The following DDHD1 variants were observed in gnomAD, a reference collection of about 807,000 sequenced individuals.
DDHD1 encodes the protein DDHD domain containing 1, also known as phospholipase DDHD1.
In DDHD1, 49 loss-of-function variants were observed where a neutral mutation model predicts 96.4. The observed-to-expected ratio is 0.51, with a 90% CI of 0.40 to 0.64. DDHD1 has a LOEUF of 0.64. Ranked by LOEUF, DDHD1 falls within the 30% of genes least tolerant of loss-of-function variation. DDHD1 has a pLI of 0.00. For synonymous variants in DDHD1, 442 were observed against 446.5 expected, an observed-to-expected ratio of 0.99 and a Z score of 0.13; for missense variants, 1,106 against 1,161.2, an observed-to-expected ratio of 0.95 and a Z score of 0.69.
At chr14:53,077,645 A>G (rs1024142024) in intron 4 of DDHD1, among the ~76,000 whole-genome samples, 8 of 149,566 alleles carry the variant, frequency 5.3e-5, no homozygotes, top group Non-Finnish European at 8.9e-5. Context: ...TGCTTTTGAC[A>G]CAACTTCATT....
chr14:53,108,774 TC>T (rs1466358974), intron 1 of DDHD1, among the ~76,000 whole-genome samples: 1 of 152,232 alleles, frequency 6.6e-6, no homozygotes, highest in Non-Finnish European at 1.5e-5. Flanking sequence ...TCTTCCTTTT[TC>T]ACTTCTTTTC....
chr14:53,071,512 G>C (rs1595120821), intron 6 of DDHD1, among the ~76,000 whole-genome samples: 1 of 151,990 alleles, frequency 6.6e-6, no homozygotes, highest in Non-Finnish European at 1.5e-5. Flanking sequence ...CTTATACGTA[G>C]TAAGTTCTCA....
rs1242058022 is a variant in DDHD1 at position 53,046,491 on chromosome 14, A to G, written c.*277T>C. The G allele has an allele frequency of 3.9e-5, 9 of 231,184 alleles. No homozygotes were observed. The highest frequency in any genetic ancestry group is 5.0e-5 in the Non-Finnish European group (6 of 119,728). 14.3% of individuals were successfully genotyped at this position (231,184 alleles called of 1,614,324 possible). A position where few individuals can be genotyped will look rare whatever the true frequency, so the allele number is the denominator to read the frequency against. On this transcript the variant is annotated 3_prime_UTR_variant, in exon 13 of 13. Coordinates refer to ENST00000673822, the MANE Select transcript of DDHD1 (RefSeq NM_001160148.2). ...TCAGATTGTGATTTGTAGCCTTTACATGCAGTTTACCCAAACCTTCTTCAC... is the reference window on the plus strand; with the variant it reads ...TCAGATTGTGATTTGTAGCCTTTACGTGCAGTTTACCCAAACCTTCTTCAC...
intron 1 of DDHD1, among the ~76,000 whole-genome samples, chr14:53,146,372 C>A (rs1249643736): frequency 6.6e-6 from 1 of 151,226 alleles, no homozygotes; most frequent in South Asian, 2.1e-4. Context: ...GGCATGGTGG[C>A]ACATGCCTGT....
intron 12 of DDHD1, 102 bp downstream of exon 12, chr14:53,051,742 G>A: frequency 2.3e-6 from 2 of 872,696 alleles, no homozygotes; most frequent in Admixed American, 2.4e-5. Context: ...CACTGAAGCT[G>A]GGATCTCATA....
rs367814989 is a variant in DDHD1, at chr14:53,058,466, T to C, written c.1992+11A>G. On this transcript the variant is annotated intron_variant, in intron 9 of 12. Coordinates refer to ENST00000673822, the MANE Select transcript of DDHD1 (RefSeq NM_001160148.2). Reference sequence around the variant, plus strand: ...ACATTGAGAAAAAAAAGAGTCTATATTGCAACTCACCACTGGATCTGTAGG... The same window carrying C: ...ACATTGAGAAAAAAAAGAGTCTATACTGCAACTCACCACTGGATCTGTAGG... 9.4e-6 allele frequency: 15 copies of C among 1,602,954 alleles called. No individual in the cohort carries two copies. The highest frequency in any genetic ancestry group is 3.5e-5 in the Admixed American group (2 of 57,054).
intron 10 of DDHD1, 83 bp downstream of exon 10, chr14:53,055,577 T>A (rs1170489364): frequency 2.3e-6 from 3 of 1,330,924 alleles, no homozygotes; most frequent in Non-Finnish European, 3.1e-6. Context: ...AGTTTCCTAA[T>A]ACATAGAATA....
intron 8 of DDHD1, among the ~76,000 whole-genome samples, chr14:53,060,385 A>G (rs915971314): frequency 6.6e-6 from 1 of 152,196 alleles, no homozygotes; most frequent in Non-Finnish European, 1.5e-5. Flanking sequence ...GCCTATATCA[A>G]TGTAAGTTCC....
At chr14:53,078,852 C>T (rs1885190293) in intron 4 of DDHD1, among the ~76,000 whole-genome samples, 1 of 152,124 alleles carries the variant, frequency 6.6e-6, no homozygotes, top group Non-Finnish European at 1.5e-5. Context: ...TTTGTAGATG[C>T]CCTTTACCAG....
At chr14:53,052,340 A>G (rs1882666485) in intron 11 of DDHD1, among the ~76,000 whole-genome samples, 1 of 152,092 alleles carries the variant, frequency 6.6e-6, no homozygotes, top group Non-Finnish European at 1.5e-5. Context: ...ACATAAAGAA[A>G]CAGACAGATC....
intron 1 of DDHD1, among the ~76,000 whole-genome samples, chr14:53,151,313 GTA>G (rs1891343579): frequency 6.6e-6 from 1 of 152,168 alleles, no homozygotes; most frequent in Non-Finnish European, 1.5e-5. Flanking sequence ...AATTAAAAGT[GTA>G]TATTACATAT....
chr14:53,079,012 TA>T (rs200274182), intron 4 of DDHD1, among the ~76,000 whole-genome samples: 30 of 149,882 alleles, frequency 2.0e-4, no homozygotes, highest in Admixed American at 1.0e-3. Context: ...TTACCTTGAT[TA>T]AAAAAAAAAT....
In DDHD1 at chr14:53,037,077, T is replaced by C. The variant is rs1312660148; in HGVS notation, c.*9691A>G. On this transcript the variant is annotated 3_prime_UTR_variant, in exon 13 of 13. Coordinates refer to ENST00000673822, the MANE Select transcript of DDHD1 (RefSeq NM_001160148.2). ...GCTTAGATTATGGCTTCCAGCTGTA[T>C]CCATGTGGCTGGCTGCAAAGGACAT... The C allele has an allele frequency of 1.3e-5, 2 of 152,126 alleles. No individual in the cohort carries two copies. Among genetic ancestry groups the C allele is most frequent in the Non-Finnish European group, 1.5e-5 (1 of 68,002 alleles). The allele number at this position is 152,126 out of a possible 1,614,324, so 9.4% of individuals were successfully genotyped here.
intron 6 of DDHD1, among the ~76,000 whole-genome samples, chr14:53,068,866 T>C (rs374602090): frequency 5.9e-4 from 90 of 152,328 alleles, no homozygotes; most frequent in African/African-American, 2.0e-3. Flanking sequence ...TATCCATCGA[T>C]GATTTGTGTC....
intron 1 of DDHD1, among the ~76,000 whole-genome samples, chr14:53,104,577 G>A (rs1201702951): frequency 1.3e-5 from 2 of 151,884 alleles, no homozygotes; most frequent in Non-Finnish European, 2.9e-5. Context: ...TACATATACA[G>A]GATAAATGAA....
chr14:53,143,453 G>T (rs1483204173), intron 1 of DDHD1, among the ~76,000 whole-genome samples: 1 of 152,210 alleles, frequency 6.6e-6, no homozygotes, highest in East Asian at 1.9e-4. Flanking sequence ...ACACTTGCCA[G>T]CAGTTCTGCC....
In DDHD1 at chr14:53,152,931, C is replaced by A; in HGVS notation, c.168G>T (p.Leu56=). ...GCCCGGGTTCCCCGCGCAGCAGGGC[C>A]AGGGGCACGTCGCCGTCGTCCGGGT... ...GGDPDDGDVP[L]ALLRGEPGLH... is the part of the protein sequence containing the mutation. The change falls in exon 1 of 13, where the codon CTG becomes CTT. Residue 56 remains leucine, a synonymous_variant. Coordinates refer to ENST00000673822, the MANE Select transcript of DDHD1 (RefSeq NM_001160148.2). 1 of 1,603,716 alleles carries A rather than the reference C, an allele frequency of 6.2e-7. No individual in the cohort carries two copies.
At chr14:53,099,898 T>C (rs970547955) in intron 2 of DDHD1, among the ~76,000 whole-genome samples, 5 of 152,146 alleles carry the variant, frequency 3.3e-5, no homozygotes, top group Non-Finnish European at 5.9e-5. Context: ...TCTTTATTTG[T>C]ATGCTACAAA....
chr14:53,085,194 G>A (rs908114176), intron 4 of DDHD1, among the ~76,000 whole-genome samples: 1 of 152,232 alleles, frequency 6.6e-6, no homozygotes, highest in African/African-American at 2.4e-5. Flanking sequence ...TCTGGGGGCA[G>A]GGCATAGCTG....
Sources: gnomAD v4.1 joint callset for allele counts (sites outside exome capture counted in the v4.1 genomes callset) on GRCh38, gnomAD v4.1.1 for gene constraint, MANE v1.5 for transcripts, NCBI Gene and HGNC (gene_info 2026-07-23, HGNC 2026-07-21) for gene names.